Variants in SLC2A13 observed in about 807,000 individuals in gnomAD.
SLC2A13 encodes solute carrier family 2 member 13, also known as proton myo-inositol cotransporter.
In SLC2A13, 32 loss-of-function variants were observed where a neutral mutation model predicts 64.4. The ratio of observed to expected loss-of-function variants is 0.50; its 90% CI spans 0.37 to 0.67. The LOEUF is 0.67. SLC2A13 is among the 30% of genes least tolerant of loss of function. SLC2A13 has a pLI of 0.00. For missense variants in SLC2A13, 743 were observed against 829.2 expected (o/e 0.90, Z 1.28); for synonymous variants, 338 against 327.1 (o/e 1.03, Z -0.36).
At chr12:39,771,886 T>C (rs988006688) in intron 7 of SLC2A13, among the ~76,000 whole-genome samples, 3 of 152,116 alleles carry the variant, frequency 2.0e-5, no homozygotes, top group Non-Finnish European at 4.4e-5. Flanking sequence ...AAATTACTTA[T>C]TTTCTGAACC....
chr12:39,982,676 G>C (rs985881695), intron 3 of SLC2A13, among the ~76,000 whole-genome samples: 1 of 148,352 alleles, frequency 6.7e-6, no homozygotes, highest in African/African-American at 2.5e-5. Flanking sequence ...GGAAATAAAA[G>C]AGGATACAAA....
intron 6 of SLC2A13, chr12:39,835,542 T>C (rs551385238): frequency 2.0e-4 from 31 of 152,270 alleles, no homozygotes; most frequent in African/African-American, 7.0e-4. Flanking sequence ...GTTCTCCTTA[T>C]TGATACACAG....
intron 4 of SLC2A13, among the ~76,000 whole-genome samples, chr12:39,910,578 A>G (rs1426088140): frequency 6.6e-6 from 1 of 152,034 alleles, no homozygotes; most frequent in Non-Finnish European, 1.5e-5. Flanking sequence ...TCCATCTGTT[A>G]TGGCAGAGGA....
At chr12:40,051,556 T>C (rs1352841375) in intron 1 of SLC2A13, among the ~76,000 whole-genome samples, 1 of 152,058 alleles carries the variant, frequency 6.6e-6, no homozygotes, top group Non-Finnish European at 1.5e-5. Context: ...GTGAGGAACA[T>C]CAGACTATAG....
chr12:39,844,195 C>G lies in SLC2A13; in HGVS notation c.1320-13967G>C, dbSNP rs140534011. 6.2e-3 allele frequency among the ~76,000 whole-genome samples: 942 copies of G among 152,122 alleles called. 12 individuals are homozygous for G. The highest frequency in any genetic ancestry group is 0.021 in the African/African-American group (891 of 41,510). On this transcript the variant is annotated intron_variant, in intron 6 of 9. Transcript: ENST00000280871. ...GTTAACTAGTTGTGTTACCTGATAA[C>G]AGGTGCTGATTTCTAAATAGTACTC...
At chr12:39,974,030 A>G (rs1946718745) in intron 3 of SLC2A13, among the ~76,000 whole-genome samples, 1 of 152,226 alleles carries the variant, frequency 6.6e-6, no homozygotes, top group East Asian at 1.9e-4. Flanking sequence ...AGTTTCTGTA[A>G]GAGTTCTACC....
At chr12:39,786,387 C>CCTCCCCAGCCATGATTCTGAGGA (rs1592136746) in intron 7 of SLC2A13, among the ~76,000 whole-genome samples, 1 of 152,174 alleles carries the variant, frequency 6.6e-6, no homozygotes, top group Non-Finnish European at 1.5e-5. Context: ...GATTCTGAGG[C>CCTCCCCAGCCATGATTCTGAGGA]CTCCCCAGCC....
At chr12:39,895,563 C>CAT (rs1944746597) in intron 4 of SLC2A13, among the ~76,000 whole-genome samples, 1 of 131,622 alleles carries the variant, frequency 7.6e-6, no homozygotes, top group Non-Finnish European at 1.6e-5. Context: ...CACACACACA[C>CAT]ACACGTGTAT....
rs148583083 is a variant in SLC2A13, at chr12:39,774,895, A to G, written c.1446-10037T>C. 9.8e-5 allele frequency among the ~76,000 whole-genome samples: 15 copies of G among 152,298 alleles called. No homozygotes were observed. The East Asian group carries it at 2.9e-3, about 29-fold the overall frequency. On this transcript the variant is annotated intron_variant, in intron 7 of 9. Coordinates refer to ENST00000280871, the MANE Select transcript of SLC2A13 (RefSeq NM_052885.4). ...GGAGTATGGACAGATGCAAATTAAA[A>G]CAATGATAACATTTAAAGGTGATGA... is the stretch of plus-strand genomic sequence containing the variant.
intron 7 of SLC2A13, among the ~76,000 whole-genome samples, chr12:39,820,368 T>A (rs752446835): frequency 3.9e-5 from 6 of 152,226 alleles, no homozygotes; most frequent in African/African-American, 7.2e-5. Flanking sequence ...TGGCACTGTT[T>A]TCAAACTGTA....
intron 4 of SLC2A13, among the ~76,000 whole-genome samples, chr12:39,878,291 G>C (rs910088812): frequency 1.3e-5 from 2 of 152,202 alleles, no homozygotes; most frequent in African/African-American, 4.8e-5. Context: ...CTGTGTAATG[G>C]GCAGAGGTTG....
chr12:39,926,230 TATA>T (rs1342326916), intron 4 of SLC2A13, among the ~76,000 whole-genome samples: 1 of 152,126 alleles, frequency 6.6e-6, no homozygotes, highest in East Asian at 1.9e-4. Context: ...TTTAAATAAT[TATA>T]ATATCTTATA....
intron 4 of SLC2A13, among the ~76,000 whole-genome samples, chr12:39,935,700 G>T (rs922331972): frequency 2.0e-5 from 3 of 152,162 alleles, no homozygotes; most frequent in Non-Finnish European, 4.4e-5. Context: ...TTGGCCCCTT[G>T]GTTCAGGGAG....
At chr12:39,877,147 C>G (rs887144128) in intron 4 of SLC2A13, among the ~76,000 whole-genome samples, 3 of 152,042 alleles carry the variant, frequency 2.0e-5, no homozygotes, top group African/African-American at 7.2e-5. Flanking sequence ...ACAAGGATAA[C>G]TCTATTAGTC....
At chr12:39,872,036 G>A (rs1045715981) in intron 4 of SLC2A13, 75 bp from the exon 5 acceptor site, 1 of 1,300,582 alleles carries the variant, frequency 7.7e-7, no homozygotes, top group Admixed American at 3.0e-5. Context: ...AGAAAAAGAT[G>A]TATTCAATTT....
intron 7 of SLC2A13, among the ~76,000 whole-genome samples, chr12:39,797,499 T>C (rs1166508957): frequency 6.6e-6 from 1 of 152,190 alleles, no homozygotes; most frequent in African/African-American, 2.4e-5. Context: ...TGACACAAAA[T>C]GAGGAGCTAA....
chr12:40,080,366 T>C (rs1387054945), intron 1 of SLC2A13, among the ~76,000 whole-genome samples: 1 of 152,250 alleles, frequency 6.6e-6, no homozygotes, highest in East Asian at 1.9e-4. Context: ...GCCTTCAAAG[T>C]GGGCATTTAT....
In SLC2A13 at chr12:39,759,951, G is replaced by T; in HGVS notation, c.*75C>A. 1 of 1,072,814 alleles carries T rather than the reference G, an allele frequency of 9.3e-7. No individual in the cohort carries two copies. The allele number at this position is 1,072,814 out of a possible 1,614,324, so 66.5% of individuals were successfully genotyped here. On this transcript the variant is annotated 3_prime_UTR_variant, in exon 10 of 10. Transcript: ENST00000280871. ...TGTGGAAAGAACCAGATTAGAAGCA[G>T]GGCAGTGAAGTCACCAATTGCTGTT...
intron 9 of SLC2A13, among the ~76,000 whole-genome samples, chr12:39,763,562 A>G (rs4238074): frequency 0.98 from 148,447 of 152,118 alleles, 72,436 homozygotes; most frequent in East Asian, 1. Flanking sequence ...GAGAGAGCTA[A>G]GGGCAGACAA....
Sources: allele counts gnomAD v4.1 joint callset (sites outside exome capture counted in the v4.1 genomes callset), GRCh38; gene constraint gnomAD v4.1.1; transcripts MANE v1.5; gene names NCBI Gene and HGNC (gene_info 2026-07-23, HGNC 2026-07-21).